Variants in SEC31B observed in about 807,000 individuals in gnomAD.
The protein encoded by SEC31B is SEC31 homolog B, COPII component, also known as protein transport protein Sec31B.
Under a neutral mutation model 135.0 loss-of-function variants are expected in SEC31B, and 113 were observed. That is an observed-to-expected ratio of 0.84 (90% CI 0.72 to 0.98). The LOEUF (loss-of-function observed/expected upper bound fraction) is 0.98. SEC31B is among the 50% of genes least tolerant of loss of function. The pLI, the probability that SEC31B is intolerant of heterozygous loss-of-function variation, is 0.00. For synonymous variants in SEC31B, 508 were observed against 549.4 expected (o/e 0.92, Z 1.05); for missense variants, 1,296 against 1,421.1 (o/e 0.91, Z 1.42).
intron 3 of SEC31B, among the ~76,000 whole-genome samples, chr10:100,514,739 A>G (rs1320094621): frequency 1.3e-5 from 2 of 152,158 alleles, no homozygotes; most frequent in African/African-American, 2.4e-5. Flanking sequence ...GAGTTCATCA[A>G]TCATCAGAAG....
chr10:100,501,929 T>C (rs888116955), intron 11 of SEC31B, among the ~76,000 whole-genome samples: 6 of 152,258 alleles, frequency 3.9e-5, no homozygotes, highest in Non-Finnish European at 7.3e-5. Context: ...CCCATTACCT[T>C]ATCTGCCCTT....
At chr10:100,491,982 G>A (rs1164844084) in intron 19 of SEC31B, among the ~76,000 whole-genome samples, 1 of 152,170 alleles carries the variant, frequency 6.6e-6, no homozygotes, top group Non-Finnish European at 1.5e-5. Context: ...CATACCTGCT[G>A]GTGCCTTGAT....
At position 100,495,459 on chromosome 10, in the gene SEC31B, G is replaced by A. The variant is rs117861052; in HGVS notation, c.2398C>T (p.Arg800Trp). 16 of 1,613,972 alleles carry A rather than the reference G, an allele frequency of 9.9e-6. No individual in the cohort carries two copies. The highest frequency in any genetic ancestry group is 3.3e-5 in the South Asian group (3 of 91,032). Residue 800 changes from arginine (R) to tryptophan (W), a missense_variant, in exon 19 of 26, where the codon CGG becomes TGG. Arg to Trp is a moderately radical substitution (Grantham distance 101). Coordinates refer to ENST00000370345, the MANE Select transcript of SEC31B (RefSeq NM_015490.4). ...GQQSPPFPFP[R>W]IVVGATLHSK... is the part of the protein sequence containing the mutation. ...TGGAGGGTAGCTCCCACAACAATCC[G>A]GGGGAAGGGGAAAGGGGGAGACTGT...
intron 19 of SEC31B, 148 bp downstream of exon 19, chr10:100,495,237 C>T (rs556122521): frequency 2.4e-5 from 19 of 787,428 alleles, no homozygotes; most frequent in Non-Finnish European, 3.8e-5. Flanking sequence ...GTTCAATAAA[C>T]AGTTATTTAT....
chr10:100,495,183 C>A (rs917461465), intron 19 of SEC31B: 6 of 583,410 alleles, frequency 1.0e-5, no homozygotes, highest in Non-Finnish European at 1.8e-5. Context: ...TACTTGAGGG[C>A]AAGTATCACA....
chr10:100,496,398 T>C lies in SEC31B; in HGVS notation c.2170A>G (p.Ser724Gly), dbSNP rs147952789. ...TGAGGACCCCGCAGTTGCTCCAAGC[T>C]CCTGTTAAGAACCATCACCTTCTCC... ...LMEKVMVLNRSLEQLRGPHGV... is the reference protein window; with the variant it reads ...LMEKVMVLNRGLEQLRGPHGV... The change falls in exon 18 of 26, where the codon AGC becomes GGC. Residue 724 changes from serine (S) to glycine (G), a missense_variant. Transcript: ENST00000370345. The C allele has an allele frequency of 2.1e-5, 34 of 1,613,990 alleles. No homozygotes were observed. The African/African-American group carries it at 4.0e-4, about 19-fold the overall frequency.
intron 19 of SEC31B, among the ~76,000 whole-genome samples, chr10:100,491,676 T>G (rs923692064): frequency 6.6e-6 from 1 of 152,178 alleles, no homozygotes; most frequent in Non-Finnish European, 1.5e-5. Context: ...GAAAAAACAT[T>G]TGACAAAATT....
intron 3 of SEC31B, among the ~76,000 whole-genome samples, chr10:100,514,968 G>A (rs1227937013): frequency 1.2e-4 from 17 of 138,346 alleles, no homozygotes; most frequent in African/African-American, 4.6e-4. Flanking sequence ...GCGAGAGAGT[G>A]AGACTCCATC....
intron 19 of SEC31B, chr10:100,495,016 T>C: frequency 3.4e-6 from 1 of 293,414 alleles, no homozygotes; most frequent in Non-Finnish European, 6.6e-6. Flanking sequence ...TCAGTAGAGA[T>C]GGGGTTTCAC....
chr10:100,497,899 G>A, intron 15 of SEC31B, 106 bp from the exon 16 acceptor site: 1 of 1,591,312 alleles, frequency 6.3e-7, no homozygotes, highest in Non-Finnish European at 8.6e-7. Context: ...GGCAAGGGAT[G>A]AGGTGGGGGT....
intron 7 of SEC31B, 57 bp from the exon 8 acceptor site, chr10:100,506,477 T>G: frequency 6.9e-7 from 1 of 1,447,902 alleles, no homozygotes; most frequent in South Asian, 1.1e-5. Context: ...ATGAGTAGGG[T>G]GCCTTATATG....
chr10:100,496,120 T>C (rs548154864), intron 18 of SEC31B, 138 bp downstream of exon 18: 20 of 870,626 alleles, frequency 2.3e-5, no homozygotes, highest in East Asian at 8.0e-5. Flanking sequence ...CCCCAGTAGA[T>C]TGTGAGGTGC....
At position 100,498,105 on chromosome 10, in the gene SEC31B, G is replaced by C; in HGVS notation, c.1787C>G (p.Ala596Gly). Residue 596 changes from alanine (A) to glycine (G), a missense_variant, in exon 15 of 26, where the codon GCC becomes GGC. Physicochemically the swap from Ala to Gly is moderately conservative, Grantham distance 60 (BLOSUM62 0). Transcript: ENST00000370345. Reference sequence around the variant, plus strand: ...CAGCAGATCTGTACCCCCAGCCTGGGCCAGGATAATGGCATCAGCAAAGCG... The same window carrying C: ...CAGCAGATCTGTACCCCCAGCCTGGCCCAGGATAATGGCATCAGCAAAGCG... Reference protein sequence around the residue: ...EERFADAIILAQAGGTDLLKQ... With the variant: ...EERFADAIILGQAGGTDLLKQ... 6.2e-7 allele frequency: 1 copy of C among 1,614,154 alleles called. No homozygotes were observed. The highest frequency in any genetic ancestry group is 8.5e-7 in the Non-Finnish European group (1 of 1,180,034).
Position 100,490,693 on chromosome 10 carries a change from G to A in SEC31B, c.2650+13C>T. The A allele has an allele frequency of 1.3e-6, 2 of 1,555,754 alleles. No individual in the cohort carries two copies. Among genetic ancestry groups the A allele is most frequent in the Non-Finnish European group, 1.7e-6 (2 of 1,149,158 alleles). ...TGTGCTCTGCCCAGATAGATCTTCA[G>A]TGACTCACTCACCAGGCCTTACCCC... On this transcript the variant is annotated intron_variant, in intron 20 of 25. Transcript: ENST00000370345.
chr10:100,489,115 C>T (rs1230985772), intron 23 of SEC31B, 137 bp downstream of exon 23: 1 of 1,449,030 alleles, frequency 6.9e-7, no homozygotes, highest in East Asian at 2.4e-5. Context: ...CTCCCTTTCT[C>T]TGCAGTAAGG....
intron 10 of SEC31B, among the ~76,000 whole-genome samples, chr10:100,503,641 T>A (rs1239433376): frequency 6.6e-6 from 1 of 151,792 alleles, no homozygotes; most frequent in East Asian, 1.9e-4. Context: ...TCCATGTTGG[T>A]CAGGCTGGTC....
Position 100,490,494 on chromosome 10 carries a change from A to T in SEC31B, c.2651-172T>A. 3.3e-6 allele frequency: 3 copies of T among 909,946 alleles called. No homozygotes were observed. In the South Asian group the frequency reaches 5.7e-5, roughly 17 times the overall value. The allele number at this position is 909,946 out of a possible 1,614,324, so 56.4% of individuals were successfully genotyped here. ...TAACTATATTCCTTATTTGACCTTCAAAACAATCCCATAGCATTGAAATAA... is the reference window on the plus strand; with the variant it reads ...TAACTATATTCCTTATTTGACCTTCTAAACAATCCCATAGCATTGAAATAA... On this transcript the variant is annotated intron_variant, in intron 20 of 25. Coordinates refer to ENST00000370345, the MANE Select transcript of SEC31B (RefSeq NM_015490.4).
rs749868302 is a variant in SEC31B, at chr10:100,505,327, A to AAC, written c.1179+32_1179+33dup. 11 of 1,545,524 alleles carry AAC rather than the reference A, an allele frequency of 7.1e-6. No homozygotes were observed. The Admixed American group carries it at 1.2e-4, about 17-fold the overall frequency. On this transcript the variant is annotated intron_variant, in intron 10 of 25. Transcript: ENST00000370345. ...ACACACACACACACACACACACACA[A>AAC]ACACACACACACCTATACATCCACT...
In SEC31B at chr10:100,509,671, G is replaced by T. The variant is rs115863677; in HGVS notation, c.204-160C>A. On this transcript the variant is annotated intron_variant, in intron 3 of 25. Coordinates refer to ENST00000370345, the MANE Select transcript of SEC31B (RefSeq NM_015490.4). Reference sequence around the variant, plus strand: ...CCCAGACAGAAGGGATGTATCCTCCGCCCAGTCCTGCCCTTTCTCTGAAAA... The same window carrying T: ...CCCAGACAGAAGGGATGTATCCTCCTCCCAGTCCTGCCCTTTCTCTGAAAA... Among the ~76,000 whole-genome samples, 302 of 152,132 alleles carry T rather than the reference G, an allele frequency of 2.0e-3. 2 individuals are homozygous for T. The highest frequency in any genetic ancestry group is 7.1e-3 in the African/African-American group (295 of 41,484).
Sources: allele counts gnomAD v4.1 joint callset (sites outside exome capture counted in the v4.1 genomes callset), GRCh38; gene constraint gnomAD v4.1.1; transcripts MANE v1.5; gene names NCBI Gene and HGNC (gene_info 2026-07-23, HGNC 2026-07-21).